The following SNX29 variants were observed in gnomAD, a reference collection of about 807,000 sequenced individuals.
The protein encoded by SNX29 is sorting nexin 29.
In SNX29, 78 loss-of-function variants were observed where a neutral mutation model predicts 102.1. The ratio of observed to expected loss-of-function variants is 0.76; its 90% confidence interval spans 0.64 to 0.92. The LOEUF (loss-of-function observed/expected upper bound fraction) is 0.92, where lower values mean the gene tolerates loss of function less well. Ranked by LOEUF, SNX29 falls within the 40% of genes least tolerant of loss-of-function variation. The pLI is 0.00. For missense variants in SNX29, 1,280 were observed against 1,061.7 expected, an observed-to-expected ratio of 1.21 and a Z score of -2.86; for synonymous variants, 580 against 414.5, an observed-to-expected ratio of 1.40 and a Z score of -4.85.
intron 20 of SNX29, chr16:12,546,525 A>C (rs981538794): frequency 2.6e-5 from 4 of 152,158 alleles, no homozygotes; most frequent in Non-Finnish European, 4.4e-5. Flanking sequence ...ATTATCTCCC[A>C]ATGGGTCCCT....
intron 20 of SNX29, among the ~76,000 whole-genome samples, chr16:12,546,017 CAAAA>C (rs954104121): frequency 6.6e-6 from 1 of 152,038 alleles, no homozygotes; most frequent in African/African-American, 2.4e-5. Flanking sequence ...AAACAGAAAA[CAAAA>C]AAACCCACAC....
At chr16:12,452,285 C>G (rs899178349) in intron 18 of SNX29, among the ~76,000 whole-genome samples, 3 of 152,246 alleles carry the variant, frequency 2.0e-5, no homozygotes, top group African/African-American at 7.2e-5. Context: ...ATTGTCACAA[C>G]TGGGGTGGCT....
At chr16:12,181,364 G>C (rs2076380460) in intron 13 of SNX29, among the ~76,000 whole-genome samples, 1 of 152,218 alleles carries the variant, frequency 6.6e-6, no homozygotes, top group Non-Finnish European at 1.5e-5. Flanking sequence ...ATGAACATTG[G>C]TTCGGTCTGG....
chr16:12,154,470 T>A (rs974182822), intron 13 of SNX29, among the ~76,000 whole-genome samples: 2 of 152,138 alleles, frequency 1.3e-5, no homozygotes, highest in Non-Finnish European at 2.9e-5. Flanking sequence ...GGTTCCTAAT[T>A]ACATACGTGT....
intron 14 of SNX29, among the ~76,000 whole-genome samples, chr16:12,242,927 T>G (rs2078155467): frequency 6.6e-6 from 1 of 152,132 alleles, no homozygotes. Flanking sequence ...GGATTGCAGG[T>G]GTGGGCCACC....
At chr16:12,126,584 T>C in intron 11 of SNX29, 49 bp from the exon 12 acceptor site, 1 of 1,595,676 alleles carries the variant, frequency 6.3e-7, no homozygotes, top group Non-Finnish European at 8.6e-7. Flanking sequence ...GGGCATGCTG[T>C]AACAGGCAAG....
intron 3 of SNX29, among the ~76,000 whole-genome samples, chr16:12,015,757 G>T (rs572040515): frequency 6.6e-6 from 1 of 150,746 alleles, no homozygotes; most frequent in South Asian, 2.1e-4. Flanking sequence ...GGATGGTCTC[G>T]ATCTCCTGAC....
chr16:12,372,065 C>G (rs557034725), intron 16 of SNX29, among the ~76,000 whole-genome samples: 1 of 152,218 alleles, frequency 6.6e-6, no homozygotes, highest in Non-Finnish European at 1.5e-5. Flanking sequence ...TCCCTCCTAG[C>G]GATCCTGCTG....
intron 11 of SNX29, among the ~76,000 whole-genome samples, chr16:12,104,321 C>T (rs377084922): frequency 6.6e-6 from 1 of 151,958 alleles, no homozygotes; most frequent in Non-Finnish European, 1.5e-5. Flanking sequence ...TTTGGGAGGC[C>T]GAGATGGGCA....
Position 12,495,007 on chromosome 16 carries a change from T to C in SNX29, c.2178+17148T>C, listed in dbSNP as rs544740716. Among the ~76,000 whole-genome samples, 5 of 152,308 alleles carry C rather than the reference T, an allele frequency of 3.3e-5. No individual in the cohort carries two copies. In the South Asian group the frequency reaches 1.0e-3, roughly 32 times the overall value. Reference sequence around the variant, plus strand: ...GTCAGTATCCCTGGGGCCGAGGAGTTAGCATCCCTGCCTCACCTCATGTGA... The same window carrying C: ...GTCAGTATCCCTGGGGCCGAGGAGTCAGCATCCCTGCCTCACCTCATGTGA... On this transcript the variant is annotated intron_variant, in intron 19 of 20. Transcript: ENST00000566228.
At chr16:12,481,547 CACACA>C (rs1567608704) in intron 19 of SNX29, among the ~76,000 whole-genome samples, 15 of 131,338 alleles carry the variant, frequency 1.1e-4, no homozygotes, top group East Asian at 4.6e-4. Flanking sequence ...CACACACACA[CACACA>C]CACCCCAAAT....
intron 20 of SNX29, among the ~76,000 whole-genome samples, chr16:12,537,592 TCAAACTCTCACTTCAGTCCCA>T (rs1206116119): frequency 3.3e-5 from 5 of 152,366 alleles, no homozygotes; most frequent in Admixed American, 1.3e-4. Flanking sequence ...ACTTCTTTGT[TCAAACTCTCACTTCAGTCCCA>T]AAATGATTGA....
intron 15 of SNX29, among the ~76,000 whole-genome samples, chr16:12,348,397 C>G (rs578114986): frequency 6.6e-6 from 1 of 152,214 alleles, no homozygotes; most frequent in Admixed American, 6.5e-5. Flanking sequence ...GAGGTTCTTA[C>G]TTACTCTAGG....
chr16:12,079,293 A>G (rs759645483), intron 11 of SNX29, among the ~76,000 whole-genome samples: 30 of 152,250 alleles, frequency 2.0e-4, no homozygotes, highest in Admixed American at 5.2e-4. Context: ...CAAGATGATT[A>G]AACTTTGCTA....
chr16:12,476,237 G>A (rs1403161321), intron 18 of SNX29, among the ~76,000 whole-genome samples: 3 of 147,162 alleles, frequency 2.0e-5, no homozygotes, highest in African/African-American at 5.0e-5. Context: ...CAGGAGAATC[G>A]CTTGAACTTG....
rs575328947 is a variant in SNX29, at chr16:12,133,439, A to G, written c.1595+3681A>G. ...TGAGTAGCTGGGACTACAGGCATGCACCACCATAGCCAGCTAATTTTTGTA... is the reference window on the plus strand; with the variant it reads ...TGAGTAGCTGGGACTACAGGCATGCGCCACCATAGCCAGCTAATTTTTGTA... On this transcript the variant is annotated intron_variant, in intron 13 of 20. Transcript: ENST00000566228. Among the ~76,000 whole-genome samples, 26 of 151,716 alleles carry G rather than the reference A, an allele frequency of 1.7e-4. No homozygotes were observed. The South Asian group carries it at 4.6e-3, about 27-fold the overall frequency.
intron 9 of SNX29, among the ~76,000 whole-genome samples, chr16:12,064,436 A>G (rs1268349122): frequency 6.6e-6 from 1 of 152,202 alleles, no homozygotes; most frequent in Non-Finnish European, 1.5e-5. Context: ...AGTCAGCTCC[A>G]TCTTCTCACT....
intron 14 of SNX29, among the ~76,000 whole-genome samples, chr16:12,269,861 T>TCA (rs1567379318): frequency 0.012 from 391 of 31,904 alleles, 3 homozygotes; most frequent in African/African-American, 0.04. Context: ...ATCATCATCA[T>TCA]TATTATTATT....
chr16:12,116,372 G>GC (rs1242019828), intron 11 of SNX29, among the ~76,000 whole-genome samples: 7 of 152,202 alleles, frequency 4.6e-5, no homozygotes, highest in Non-Finnish European at 8.8e-5. Flanking sequence ...ACATGATTCA[G>GC]CTATAAAAGG....
Sources: allele counts gnomAD v4.1 joint callset (sites outside exome capture counted in the v4.1 genomes callset), GRCh38; gene constraint gnomAD v4.1.1; transcripts MANE v1.5; gene names NCBI Gene and HGNC (gene_info 2026-07-23, HGNC 2026-07-21).